Variants in SRP19 observed in about 807,000 individuals in gnomAD.
SRP19 encodes the protein signal recognition particle 19.
Under a neutral mutation model 22.4 loss-of-function variants are expected in SRP19, and 11 were observed. The observed-to-expected ratio is 0.49, with a 90% confidence interval of 0.31 to 0.81. The LOEUF (loss-of-function observed/expected upper bound fraction) is 0.81. SRP19 is among the 40% of genes least tolerant of loss of function. The pLI is 0.05. For synonymous variants in SRP19, 61 were observed against 57.6 expected (o/e 1.06, Z -0.27); for missense variants, 168 against 175.9 (o/e 0.96, Z 0.25).
Position 112,864,524 on chromosome 5 carries a change from T to G in SRP19, c.185T>G (p.Leu62Arg), listed in dbSNP as rs756489265. The change falls in exon 3 of 5, where the codon CTT (leucine) becomes CGT (arginine). Residue 62 changes from leucine to arginine, a missense_variant. Physicochemically the swap from Leu to Arg is moderately radical, Grantham distance 102 (BLOSUM62 -2). Coordinates refer to ENST00000505459, the MANE Select transcript of SRP19 (RefSeq NM_003135.3). The part of the protein sequence containing the change: ...VCSAVGLNVF[L>R]EKNKMYSREW... ...TCAGCAGTTGGACTTAACGTATTTC[T>G]TGAGGTATGACGTGGTTCTTCACTA... is the stretch of plus-strand genomic sequence containing the variant. 25 of 1,613,978 alleles carry G rather than the reference T, an allele frequency of 1.5e-5. No homozygotes were observed. The South Asian group carries it at 2.7e-4, about 18-fold the overall frequency.
At chr5:112,892,276 A>G (rs1468245480) in exon 5 of SRP19, 2 of 1,614,146 alleles carry the variant, frequency 1.2e-6, no homozygotes, top group East Asian at 4.5e-5. Context: ...CATGTTTACA[A>G]CGTTTGGAAT....
chr5:112,864,725 C>A lies in SRP19; in HGVS notation c.294C>A (p.Phe98Leu), dbSNP rs147944769. ...QEDGSLCLVQ[F>L]PSRKSVMLYA... Reference sequence around the variant, plus strand: ...ATGGGAGCCTCTGCCTTGTACAGTTCCCATCACGTAAGCTTGTTTAAATGA... The same window carrying A: ...ATGGGAGCCTCTGCCTTGTACAGTTACCATCACGTAAGCTTGTTTAAATGA... The change falls in exon 4 of 5, where the codon TTC (phenylalanine) becomes TTA (leucine). Residue 98 changes from phenylalanine to leucine, a missense_variant. Physicochemically the swap from Phe to Leu is conservative, Grantham distance 22. Coordinates refer to ENST00000505459, the MANE Select transcript of SRP19 (RefSeq NM_003135.3). 4.8e-5 allele frequency: 78 copies of A among 1,610,936 alleles called. No individual in the cohort carries two copies. Among genetic ancestry groups the A allele is most frequent in the Non-Finnish European group, 5.9e-5 (69 of 1,178,132 alleles).
intron 2 of SRP19, among the ~76,000 whole-genome samples, chr5:112,864,102 A>T (rs1451795919): frequency 6.6e-6 from 1 of 152,244 alleles, no homozygotes; most frequent in Admixed American, 6.5e-5. Flanking sequence ...TTTAGTAGAT[A>T]CTAGCAGTTT....
At chr5:112,880,277 A>C (rs1768029863) in intron 4 of SRP19, among the ~76,000 whole-genome samples, 1 of 152,230 alleles carries the variant, frequency 6.6e-6, no homozygotes, top group African/African-American at 2.4e-5. Flanking sequence ...ATATTTTCTT[A>C]CTTCTGCAGG....
intron 4 of SRP19, among the ~76,000 whole-genome samples, chr5:112,886,359 T>C (rs1006540938): frequency 2.0e-5 from 3 of 152,214 alleles, no homozygotes; most frequent in African/African-American, 4.8e-5. Context: ...TAGTTTGCCC[T>C]AAATATTTAT....
intron 4 of SRP19, among the ~76,000 whole-genome samples, chr5:112,880,609 G>C (rs1768042564): frequency 6.6e-6 from 1 of 152,202 alleles, no homozygotes; most frequent in African/African-American, 2.4e-5. Context: ...CAAAAGCTTT[G>C]AGAAAAGTCT....
downstream of SRP19, chr5:112,895,760 T>C (rs1483780271): frequency 6.6e-6 from 1 of 152,228 alleles, no homozygotes; most frequent in Non-Finnish European, 1.5e-5. Context: ...TCTGTGTAAC[T>C]ATTCTACAGC....
exon 4 of SRP19, chr5:112,898,371 A>G (rs1768755516): frequency 6.6e-6 from 1 of 152,262 alleles, no homozygotes; most frequent in African/African-American, 2.4e-5. Context: ...CATGAACACT[A>G]TGATGCCATG....
chr5:112,892,992 G>A lies in SRP19; in HGVS notation c.*1385G>A, dbSNP rs746199268. 3 of 1,580,068 alleles carry A rather than the reference G, an allele frequency of 1.9e-6. 1 individual carries two copies. Among genetic ancestry groups the A allele is most frequent in the Middle Eastern group, 3.4e-4 (2 of 5,890 alleles). ...AGAGCCGCAGGAGCCACCGCAGCCG[G>A]AGCCAAAGTTCCTCTAGGTGCCGAA... is the stretch of plus-strand genomic sequence containing the variant. On this transcript the variant is annotated 3_prime_UTR_variant, in exon 5 of 5. Transcript: ENST00000391338.
At chr5:112,866,923 A>C (rs941072879) in intron 4 of SRP19, among the ~76,000 whole-genome samples, 1 of 152,238 alleles carries the variant, frequency 6.6e-6, no homozygotes, top group Non-Finnish European at 1.5e-5. Context: ...GGGTGAAGGT[A>C]GCTGGTTGTA....
chr5:112,888,461 C>A (rs933435575), intron 4 of SRP19, among the ~76,000 whole-genome samples: 2 of 152,218 alleles, frequency 1.3e-5, no homozygotes, highest in South Asian at 2.1e-4. Context: ...CTTGCTCTGT[C>A]ACCCAGGCTG....
downstream of SRP19, among the ~76,000 whole-genome samples, chr5:112,871,373 A>T (rs902056559): frequency 6.6e-6 from 1 of 151,598 alleles, no homozygotes; most frequent in African/African-American, 2.4e-5. Context: ...CAGTGGCACA[A>T]TCACGGCTCA....
At chr5:112,862,850 T>C (rs1767459934) in intron 2 of SRP19, among the ~76,000 whole-genome samples, 1 of 152,198 alleles carries the variant, frequency 6.6e-6, no homozygotes, top group African/African-American at 2.4e-5. Flanking sequence ...TCACATGTTT[T>C]TAAAACAAAG....
chr5:112,877,439 T>C (rs1767931846), intron 4 of SRP19: 1 of 152,178 alleles, frequency 6.6e-6, no homozygotes, highest in African/African-American at 2.4e-5. Flanking sequence ...CCAGACAAAT[T>C]GCTCTCTATA....
Position 112,878,964 on chromosome 5 carries a change from A to G in SRP19, c.302-12639A>G. The G allele has an allele frequency of 4.9e-6, 7 of 1,436,176 alleles. No homozygotes were observed. In the South Asian group the frequency reaches 7.5e-5, roughly 15 times the overall value. The allele number at this position is 1,436,176 out of a possible 1,614,324, so 89.0% of individuals were successfully genotyped here. On this transcript the variant is annotated intron_variant, in intron 4 of 4. Transcript: ENST00000391338. ...GGATGACTCATGTTCAGGTGCGATC[A>G]TGTTGGGGTTTGTGGTCTGGGCTAA... is the stretch of plus-strand genomic sequence containing the variant.
At chr5:112,883,522 C>G (rs1768139975) in intron 4 of SRP19, among the ~76,000 whole-genome samples, 1 of 152,180 alleles carries the variant, frequency 6.6e-6, no homozygotes, top group Non-Finnish European at 1.5e-5. Context: ...TGCTTCTCAT[C>G]TCTCCAGTCT....
downstream of SRP19, among the ~76,000 whole-genome samples, chr5:112,873,318 C>T (rs1767801400): frequency 3.3e-5 from 2 of 60,148 alleles, no homozygotes; most frequent in African/African-American, 1.3e-4. Flanking sequence ...TAGATTTGCT[C>T]AGCTTTATTT....
intron 4 of SRP19, among the ~76,000 whole-genome samples, chr5:112,865,883 C>T (rs772470033): frequency 6.6e-6 from 1 of 152,118 alleles, no homozygotes. Flanking sequence ...TAAGCCACTG[C>T]CCCCGGCCTG....
At chr5:112,894,470 T>C (rs903881157), downstream of SRP19, 3 of 152,206 alleles carry the variant, frequency 2.0e-5, no homozygotes, top group East Asian at 5.8e-4. Context: ...TAGTTGCTTA[T>C]ATAGGAAAAG....
Sources: allele counts gnomAD v4.1 joint callset (sites outside exome capture counted in the v4.1 genomes callset), GRCh38; gene constraint gnomAD v4.1.1; transcripts MANE v1.5; gene names NCBI Gene and HGNC (gene_info 2026-07-23, HGNC 2026-07-21).